The following MRTFB variants were observed in gnomAD, a reference collection of about 807,000 sequenced individuals.
The protein encoded by MRTFB is myocardin-related transcription factor B.
MRTFB carries 29 observed loss-of-function variants against 104.2 expected under a neutral mutation model. The ratio of observed to expected loss-of-function variants is 0.28; its 90% CI spans 0.21 to 0.38. The LOEUF (loss-of-function observed/expected upper bound fraction) is 0.38. Among genes scored for constraint, MRTFB ranks in the 10% least tolerant of loss-of-function variants. The pLI is 1.00. For missense variants in MRTFB, 1,270 were observed against 1,341.6 expected, an observed-to-expected ratio of 0.95 and a Z score of 0.83; for synonymous variants, 535 against 519.5, an observed-to-expected ratio of 1.03 and a Z score of -0.41.
upstream of MRTFB, among the ~76,000 whole-genome samples, chr16:14,067,712 C>A (rs1006785198): frequency 2.6e-5 from 4 of 152,190 alleles, no homozygotes; most frequent in African/African-American, 9.7e-5. Context: ...GAGATTGCTT[C>A]AGGAGAGCTG....
intron 8 of MRTFB, among the ~76,000 whole-genome samples, chr16:14,231,320 G>T (rs993361348): frequency 4.6e-5 from 7 of 150,616 alleles, no homozygotes; most frequent in Non-Finnish European, 8.9e-5. Context: ...ATTAAAAAAA[G>T]ATTCTGACAT....
At chr16:14,217,385 A>G in intron 7 of MRTFB, 98 bp downstream of exon 7, 2 of 1,011,540 alleles carry the variant, frequency 2.0e-6, no homozygotes, top group Admixed American at 2.5e-5. Flanking sequence ...GATCGTGAGT[A>G]TTGTTTTCTG....
At chr16:14,067,872 C>G (rs1232501800), upstream of MRTFB, among the ~76,000 whole-genome samples, 1 of 152,130 alleles carries the variant, frequency 6.6e-6, no homozygotes, top group African/African-American at 2.4e-5. Flanking sequence ...TGCTCTGTCA[C>G]CCAGGCTGGA....
chr16:14,233,641 C>T (rs1233860313), intron 8 of MRTFB, among the ~76,000 whole-genome samples: 2 of 151,824 alleles, frequency 1.3e-5, no homozygotes. Context: ...AATACAAAAA[C>T]TAGCGGAGTG....
chr16:14,143,752 A>G (rs1028920876), intron 3 of MRTFB: 1 of 152,112 alleles, frequency 6.6e-6, no homozygotes, highest in Non-Finnish European at 1.5e-5. Flanking sequence ...CATAATCTCT[A>G]TAACATAATA....
the MRTFB span, among the ~76,000 whole-genome samples, chr16:14,018,338 A>G: frequency 6.6e-6 from 1 of 152,228 alleles, no homozygotes; most frequent in African/African-American, 2.4e-5. Context: ...AGTGAAGCCT[A>G]CATGAGTTCA....
intron 2 of MRTFB, among the ~76,000 whole-genome samples, chr16:14,115,469 T>C (rs959824973): frequency 6.6e-6 from 1 of 152,232 alleles, no homozygotes; most frequent in Admixed American, 6.5e-5. Context: ...TTCAGTAACC[T>C]AATTTGCCCC....
chr16:14,160,826 C>T (rs1432396057), intron 3 of MRTFB, among the ~76,000 whole-genome samples: 1 of 152,044 alleles, frequency 6.6e-6, no homozygotes, highest in Admixed American at 6.6e-5. Context: ...ACTGTGACCC[C>T]TTTCATGGTG....
intron 7 of MRTFB, among the ~76,000 whole-genome samples, chr16:14,218,503 G>A (rs1303476710): frequency 6.6e-6 from 1 of 151,476 alleles, no homozygotes; most frequent in Non-Finnish European, 1.5e-5. Context: ...GGCTTGTTTT[G>A]TTCTCTAGCA....
intron 3 of MRTFB, among the ~76,000 whole-genome samples, chr16:14,201,143 A>G (rs2040682991): frequency 6.6e-6 from 1 of 152,198 alleles, no homozygotes. Flanking sequence ...TTAAGTTTTT[A>G]TTTCCAGCAG....
At chr16:14,257,580 C>T (rs2043554016) in intron 15 of MRTFB, among the ~76,000 whole-genome samples, 3 of 151,598 alleles carry the variant, frequency 2.0e-5, no homozygotes, top group South Asian at 2.1e-4. Flanking sequence ...GGGTTGCCTA[C>T]GGATGAGGGG....
intron 2 of MRTFB, among the ~76,000 whole-genome samples, chr16:14,130,100 G>A (rs142298796): frequency 0.025 from 3,869 of 152,190 alleles, 185 homozygotes; most frequent in African/African-American, 0.088. Flanking sequence ...CAAGGTGCTG[G>A]GATTACTGGT....
At chr16:14,030,470 T>C in the MRTFB span, among the ~76,000 whole-genome samples, 1 of 152,192 alleles carries the variant, frequency 6.6e-6, no homozygotes, top group Non-Finnish European at 1.5e-5. Flanking sequence ...GGAATCATAA[T>C]ATGAACCTCA....
At chr16:14,185,080 T>C (rs1044644051) in intron 3 of MRTFB, among the ~76,000 whole-genome samples, 2 of 152,222 alleles carry the variant, frequency 1.3e-5, no homozygotes, top group Non-Finnish European at 2.9e-5. Context: ...TTCAGAAGAA[T>C]GTAGGCGTTA....
chr16:14,160,213 T>G (rs1010499983), intron 3 of MRTFB, among the ~76,000 whole-genome samples: 53 of 152,340 alleles, frequency 3.5e-4, no homozygotes, highest in African/African-American at 1.2e-3. Flanking sequence ...TATTTAGCAT[T>G]GCAGAGTTCC....
the MRTFB span, among the ~76,000 whole-genome samples, chr16:14,001,809 T>G: frequency 6.6e-6 from 1 of 152,202 alleles, no homozygotes; most frequent in African/African-American, 2.4e-5. Flanking sequence ...TCCCCAAGCT[T>G]GATCTGCAGC....
At chr16:14,236,540 G>A (rs1288751109) in intron 9 of MRTFB, among the ~76,000 whole-genome samples, 1 of 152,116 alleles carries the variant, frequency 6.6e-6, no homozygotes, top group Non-Finnish European at 1.5e-5. Flanking sequence ...TGGGGGTGCT[G>A]GGGAGATAAG....
Position 14,149,106 on chromosome 16 carries a change from A to T in MRTFB, c.154+8346A>T, listed in dbSNP as rs184188002. Among the ~76,000 whole-genome samples, 44 of 152,298 alleles carry T rather than the reference A, an allele frequency of 2.9e-4. 1 individual carries two copies. The highest frequency in any genetic ancestry group is 2.7e-3 in the Admixed American group (41 of 15,298). ...ATAATGTGTCTGATTTAGAATATGT[A>T]GTTTCTATTGATGGTTTTTAAGGGT... On this transcript the variant is annotated intron_variant, in intron 3 of 16. Transcript: ENST00000571589.
At chr16:14,000,077 T>C in the MRTFB span, among the ~76,000 whole-genome samples, 1 of 152,156 alleles carries the variant, frequency 6.6e-6, no homozygotes, top group Non-Finnish European at 1.5e-5. Context: ...CCAGGCTGCG[T>C]TGCCACATTG....
Sources: allele counts gnomAD v4.1 joint callset (sites outside exome capture counted in the v4.1 genomes callset), GRCh38; gene constraint gnomAD v4.1.1; transcripts MANE v1.5; gene names NCBI Gene and HGNC (gene_info 2026-07-23, HGNC 2026-07-21).